PDIA6: variants seen among roughly 807,000 people sequenced by gnomAD.
The protein encoded by PDIA6 is protein disulfide isomerase family A member 6.
PDIA6 carries 29 observed loss-of-function variants against 58.4 expected under a neutral mutation model. The observed-to-expected ratio is 0.50, with a 90% CI of 0.37 to 0.68. PDIA6 has a LOEUF of 0.68. Ranked by LOEUF, PDIA6 falls within the 30% of genes least tolerant of loss-of-function variation. The probability of loss-of-function intolerance (pLI) is 0.00; values close to 1 mark genes in which losing one functional copy is unlikely to be tolerated. For synonymous variants in PDIA6, 192 were observed against 202.6 expected (o/e 0.95, Z 0.44); for missense variants, 480 against 551.0 (o/e 0.87, Z 1.29).
chr2:10,804,336 A>G, intron 1 of PDIA6, among the ~76,000 whole-genome samples: 1 of 146,126 alleles, frequency 6.8e-6, no homozygotes, highest in Non-Finnish European at 1.5e-5. Flanking sequence ...TCCATCTTGA[A>G]TTGATTTTTG....
intron 1 of PDIA6, among the ~76,000 whole-genome samples, chr2:10,825,345 CCTGA>C (rs1316415743): frequency 6.6e-6 from 1 of 151,942 alleles, no homozygotes; most frequent in Non-Finnish European, 1.5e-5. Flanking sequence ...TCTAGAGAAT[CCTGA>C]CTAATACGGT....
At chr2:10,802,408 A>T in intron 2 of PDIA6, 91 bp downstream of exon 2, 1 of 751,868 alleles carries the variant, frequency 1.3e-6, no homozygotes, top group Non-Finnish European at 2.0e-6. Context: ...AAGCTAAACT[A>T]GATGTCTTAA....
intron 1 of PDIA6, among the ~76,000 whole-genome samples, chr2:10,806,361 T>G (rs1467683085): frequency 7.5e-6 from 1 of 133,138 alleles, no homozygotes. Flanking sequence ...GGGCAAGACC[T>G]TGTCTCAAAA....
intron 2 of PDIA6, among the ~76,000 whole-genome samples, chr2:10,799,145 T>C (rs1214882168): frequency 6.6e-6 from 1 of 152,206 alleles, no homozygotes; most frequent in African/African-American, 2.4e-5. Flanking sequence ...AAAAATTACA[T>C]GTGCGTAAAC....
Position 10,795,138 on chromosome 2 carries a change from C to G in PDIA6, c.347-1936G>C, listed in dbSNP as rs573537579. On this transcript the variant is annotated intron_variant, in intron 4 of 12. Transcript: ENST00000272227. ...CACTGCCCCTTCCCCGAGTCTTTAT[C>G]TGGACATATGCCAAATCATGAAGTA... Among the ~76,000 whole-genome samples the G allele has an allele frequency of 2.9e-4, 44 of 152,272 alleles. 1 individual carries two copies. In the South Asian group the frequency reaches 8.9e-3, roughly 31 times the overall value.
upstream of PDIA6, among the ~76,000 whole-genome samples, chr2:10,814,619 T>C (rs1667136900): frequency 6.6e-6 from 1 of 152,212 alleles, no homozygotes; most frequent in African/African-American, 2.4e-5. Context: ...TACAGCGAAG[T>C]CCTTCCTTTT....
chr2:10,807,234 G>A lies in PDIA6; in HGVS notation c.20-4594C>T, dbSNP rs1666803004. Among the ~76,000 whole-genome samples the A allele has an allele frequency of 3.9e-5, 6 of 152,114 alleles. No individual in the cohort carries two copies. The South Asian group carries it at 1.2e-3, about 32-fold the overall frequency. ...CACTTTTTAATTTTTTTTGAGAGAG[G>A]GTCTTGATCTGTCACCCAGACTGGA... On this transcript the variant is annotated intron_variant, in intron 1 of 12. Coordinates refer to ENST00000272227, the MANE Select transcript of PDIA6 (RefSeq NM_005742.4).
At chr2:10,834,725 T>TC (rs1558468727), upstream of PDIA6, among the ~76,000 whole-genome samples, 546 of 15,118 alleles carry the variant, frequency 0.036, 45 homozygotes, top group Middle Eastern at 0.083. Context: ...CTCCCTCCCT[T>TC]CCTTCCCTCC....
chr2:10,834,772 T>C (rs1443166117), upstream of PDIA6, among the ~76,000 whole-genome samples: 2 of 129,800 alleles, frequency 1.5e-5, no homozygotes, highest in Non-Finnish European at 3.2e-5. Flanking sequence ...CCTTCCTTCC[T>C]TCCGTTCTTT....
chr2:10,803,911 G>GTT (rs754643092), intron 1 of PDIA6, among the ~76,000 whole-genome samples: 13 of 117,906 alleles, frequency 1.1e-4, no homozygotes, highest in African/African-American at 2.3e-4. Context: ...TAGTTTTTGT[G>GTT]TTTTTTTTTT....
chr2:10,804,389 T>G (rs1666647428), intron 1 of PDIA6, among the ~76,000 whole-genome samples: 1 of 111,698 alleles, frequency 9.0e-6, no homozygotes, highest in South Asian at 3.3e-4. Context: ...TTTCTACATA[T>G]GGCTAGGCAG....
At chr2:10,815,085 G>GGGAAATGCACAGGCTTCT (rs147530276), upstream of PDIA6, among the ~76,000 whole-genome samples, 4 of 148,202 alleles carry the variant, frequency 2.7e-5, no homozygotes. Flanking sequence ...CACAGGCTTC[G>GGGAAATGCACAGGCTTCT]GGAAATGCAC....
At chr2:10,806,131 G>A (rs1666731141) in intron 1 of PDIA6, among the ~76,000 whole-genome samples, 1 of 151,520 alleles carries the variant, frequency 6.6e-6, no homozygotes, top group Non-Finnish European at 1.5e-5. Context: ...ACTTTGGGAG[G>A]CCAAGGCAGG....
intron 1 of PDIA6, among the ~76,000 whole-genome samples, chr2:10,810,756 C>A (rs1251167869): frequency 2.0e-5 from 3 of 152,022 alleles, no homozygotes; most frequent in African/African-American, 7.2e-5. Context: ...ATAAAAGTAG[C>A]CAACAACTAC....
rs1665552165 is a variant in PDIA6 at position 10,783,812 on chromosome 2, A to C, written c.*446T>G. The C allele has an allele frequency of 6.4e-6, 1 of 157,332 alleles. No individual in the cohort carries two copies. Among genetic ancestry groups the C allele is most frequent in the African/African-American group, 2.4e-5 (1 of 41,524 alleles). The allele number at this position is 157,332 out of a possible 1,614,324, so 9.7% of individuals were successfully genotyped here. A position where few individuals can be genotyped will look rare whatever the true frequency, so the allele number is the denominator to read the frequency against. ...CACTTCAAAATATTGATTTACTGCT[A>C]AACATCACTCTGAATTTATGATGTG... On this transcript the variant is annotated 3_prime_UTR_variant, in exon 13 of 13. Coordinates refer to ENST00000272227, the MANE Select transcript of PDIA6 (RefSeq NM_005742.4).
chr2:10,817,499 G>A (rs926072077), upstream of PDIA6, among the ~76,000 whole-genome samples: 5 of 152,212 alleles, frequency 3.3e-5, no homozygotes, highest in African/African-American at 1.2e-4. Flanking sequence ...AATCAAAGTT[G>A]CAGATTCTGG....
chr2:10,792,043 A>G (rs1434125209), intron 5 of PDIA6, 118 bp from the exon 6 acceptor site: 1 of 1,069,166 alleles, frequency 9.4e-7, no homozygotes, highest in Non-Finnish European at 1.4e-6. Flanking sequence ...TTTAGTGAAT[A>G]AAATAGTGAA....
intron 1 of PDIA6, chr2:10,810,401 T>C: frequency 6.9e-7 from 1 of 1,458,700 alleles, no homozygotes; most frequent in South Asian, 1.5e-5. Context: ...TCCTCTCCTC[T>C]TCATGCTGTT....
chr2:10,792,620 C>T (rs1051926866), intron 5 of PDIA6, among the ~76,000 whole-genome samples: 8 of 152,216 alleles, frequency 5.3e-5, no homozygotes, highest in Non-Finnish European at 7.3e-5. Flanking sequence ...TCACATTTCA[C>T]ATAAGGGCAT....
Sources: gnomAD v4.1 joint callset for allele counts (sites outside exome capture counted in the v4.1 genomes callset) on GRCh38, gnomAD v4.1.1 for gene constraint, MANE v1.5 for transcripts, NCBI Gene and HGNC (gene_info 2026-07-23, HGNC 2026-07-21) for gene names.